Variants in POMT1 observed in about 807,000 individuals in gnomAD.
POMT1 encodes the protein protein O-mannosyltransferase 1, also known as protein O-mannosyl-transferase 1.
POMT1 carries 85 observed loss-of-function variants against 101.6 expected under a neutral mutation model. The ratio of observed to expected loss-of-function variants is 0.84; its 90% CI spans 0.70 to 1.00. The LOEUF (loss-of-function observed/expected upper bound fraction) is 1.00. Ranked by LOEUF, POMT1 falls within the 50% of genes least tolerant of loss-of-function variation. The pLI, the probability that POMT1 is intolerant of heterozygous loss-of-function variation, is 0.00. For missense variants in POMT1, 857 were observed against 930.4 expected (o/e 0.92, Z 1.03); for synonymous variants, 371 against 383.0 (o/e 0.97, Z 0.37).
In POMT1 at chr9:131,523,775, G is replaced by T. The variant is rs1318696194; in HGVS notation, c.*669G>T. On this transcript the variant is annotated 3_prime_UTR_variant, in exon 20 of 20. Transcript: ENST00000402686. ...CTCCATGCCTTTGTCTTTTTTAAAT[G>T]TAATTAAAAAAGGAACCAACTGGCG... 6.5e-6 allele frequency: 1 copy of T among 152,850 alleles called. No homozygotes were observed. The highest frequency in any genetic ancestry group is 1.5e-5 in the Non-Finnish European group (1 of 68,528). The allele number at this position is 152,850 out of a possible 1,614,324, so 9.5% of individuals were successfully genotyped here.
intron 4 of POMT1, chr9:131,506,851 G>C: frequency 3.4e-6 from 1 of 292,046 alleles, no homozygotes; most frequent in South Asian, 3.3e-5. Flanking sequence ...GGTGGATCAT[G>C]AGGTCAGGAG....
intron 2 of POMT1, 39 bp from the exon 3 acceptor site, chr9:131,506,075 C>A: frequency 6.2e-7 from 1 of 1,611,310 alleles, no homozygotes; most frequent in South Asian, 1.1e-5. Flanking sequence ...AGTTAAGATT[C>A]TAATTGAATA....
chr9:131,506,824 T>G, intron 4 of POMT1: 1 of 314,444 alleles, frequency 3.2e-6, no homozygotes, highest in Non-Finnish European at 6.1e-6. Context: ...ATCCTGGCAC[T>G]TTGGGAGGCT....
chr9:131,519,271 G>A lies in POMT1; in HGVS notation c.1487-118G>A, dbSNP rs1231401935. 9 of 1,042,878 alleles carry A rather than the reference G, an allele frequency of 8.6e-6. No homozygotes were observed. The highest frequency in any genetic ancestry group is 4.1e-5 in the South Asian group (3 of 73,518). 64.6% of individuals were successfully genotyped at this position (1,042,878 alleles called of 1,614,324 possible). A position where few individuals can be genotyped will look rare whatever the true frequency, so the allele number is the denominator to read the frequency against. On this transcript the variant is annotated intron_variant, in intron 15 of 19. Transcript: ENST00000402686. This position sits in a 1 kb window ranked among gnomAD's most constrained non-coding sequence, Gnocchi z 4.3. ...AAAGCTAAGTGGAATGATGCGGTTCGATAAGGGGTCTTTGTTAGAAAGGCA... is the reference window on the plus strand; with the variant it reads ...AAAGCTAAGTGGAATGATGCGGTTCAATAAGGGGTCTTTGTTAGAAAGGCA...
In POMT1 at chr9:131,519,548, C is replaced by T; in HGVS notation, c.1584+62C>T. The T allele has an allele frequency of 6.7e-7, 1 of 1,489,140 alleles. No homozygotes were observed. The highest frequency in any genetic ancestry group is 1.2e-5 in the South Asian group (1 of 82,776). The allele number at this position is 1,489,140 out of a possible 1,614,324, so 92.2% of individuals were successfully genotyped here. ...GAGCATTGACTCCTCAGCAGGGAGG[C>T]CTGGGGGCTGCACAGGACTCAAACC... On this transcript the variant is annotated intron_variant, in intron 16 of 19. Coordinates refer to ENST00000402686, the MANE Select transcript of POMT1 (RefSeq NM_001077365.2). This position sits in a 1 kb window ranked among gnomAD's most constrained non-coding sequence, Gnocchi z 4.3.
chr9:131,521,502 C>CGAA, intron 18 of POMT1, 30 bp downstream of exon 18: 1 of 1,609,234 alleles, frequency 6.2e-7, no homozygotes, highest in Non-Finnish European at 8.5e-7. Flanking sequence ...GGCTTTCTTT[C>CGAA]TTTTTAATAT....
At chr9:131,506,684 C>A in intron 4 of POMT1, 1 of 566,022 alleles carries the variant, frequency 1.8e-6, no homozygotes, top group South Asian at 2.0e-5. Context: ...ATTATTTCAG[C>A]CCTTGTCGTT....
At chr9:131,506,731 G>C in intron 4 of POMT1, 1 of 458,276 alleles carries the variant, frequency 2.2e-6, no homozygotes, top group African/African-American at 2.0e-5. Flanking sequence ...TGTGATGATC[G>C]GTTGTACATG....
chr9:131,509,740 C>T lies in POMT1; in HGVS notation c.540-3C>T, dbSNP rs1369759280. 1 of 1,614,116 alleles carries T rather than the reference C, an allele frequency of 6.2e-7. No individual in the cohort carries two copies. Among genetic ancestry groups the T allele is most frequent in the Admixed American group, 1.7e-5 (1 of 59,992 alleles). ...GTCTCCATCTGCTTTGTTTTTATTC[C>T]AGCCCTTTTTCTCTGAGCTGGTGGT... On this transcript the variant is annotated splice_region_variant and splice_polypyrimidine_tract_variant and intron_variant, in intron 6 of 19. Coordinates refer to ENST00000402686, the MANE Select transcript of POMT1 (RefSeq NM_001077365.2).
intron 14 of POMT1, 92 bp downstream of exon 14, chr9:131,518,629 G>A (rs1384218469): frequency 1.1e-5 from 16 of 1,422,138 alleles, no homozygotes; most frequent in East Asian, 6.8e-5. Context: ...CTCTGCAGGC[G>A]GAACGCTTCA....
intron 9 of POMT1, chr9:131,510,978 G>T (rs1946994401): frequency 7.2e-6 from 2 of 279,510 alleles, no homozygotes; most frequent in South Asian, 8.5e-5. Context: ...CCGACGGCCA[G>T]TGCTGTAGTG....
chr9:131,518,153 C>A, intron 13 of POMT1: 1 of 456,110 alleles, frequency 2.2e-6, no homozygotes, highest in Admixed American at 3.3e-5. Context: ...TATGAATAGG[C>A]TTTGCAGAGA....
Position 131,522,152 on chromosome 9 carries a change from A to G in POMT1, c.1931A>G (p.Tyr644Cys), listed in dbSNP as rs1950061086. 4 of 1,613,848 alleles carry G rather than the reference A, an allele frequency of 2.5e-6. No homozygotes were observed. The highest frequency in any genetic ancestry group is 1.3e-5 in the African/African-American group (1 of 74,840). ...LMEKTLFLYHYLPALTFQILL... is the reference protein window; with the variant it reads ...LMEKTLFLYHCLPALTFQILL... Reference sequence around the variant, plus strand: ...GAGAAGACACTCTTCCTCTACCACTACCTGCCCGCACTCACCTTCCAAATC... The same window carrying G: ...GAGAAGACACTCTTCCTCTACCACTGCCTGCCCGCACTCACCTTCCAAATC... The change falls in exon 19 of 20, where the codon TAC becomes TGC. Residue 644 changes from tyrosine (Y) to cysteine (C), a missense_variant. By Grantham distance (194) the Tyr-to-Cys change is radical (BLOSUM62 -2). Transcript: ENST00000402686. This position sits in a 1 kb window ranked among gnomAD's most constrained non-coding sequence, Gnocchi z 5.5.
intron 5 of POMT1, 141 bp downstream of exon 5, chr9:131,507,655 C>A: frequency 2.5e-6 from 3 of 1,206,686 alleles, no homozygotes; most frequent in Non-Finnish European, 3.5e-6. Context: ...GCAAGTCACC[C>A]GCTCCCAGGC....
chr9:131,512,133 G>A lies in POMT1; in HGVS notation c.1079G>A (p.Arg360Lys). ...VNNWWIVKDP[R>K]RHQLVVSSPP... ...AACTGGTGGATTGTAAAGGATCCCAGGAGGTGAGTGCAGGTCCTGTGACTC... is the reference window on the plus strand; with the variant it reads ...AACTGGTGGATTGTAAAGGATCCCAAGAGGTGAGTGCAGGTCCTGTGACTC... The change falls in exon 11 of 20, where the codon AGG (arginine) becomes AAG (lysine). Residue 360 changes from arginine to lysine, a missense_variant. Physicochemically the swap from Arg to Lys is conservative, Grantham distance 26. Coordinates refer to ENST00000402686, the MANE Select transcript of POMT1 (RefSeq NM_001077365.2). 6.2e-7 allele frequency: 1 copy of A among 1,613,960 alleles called. No homozygotes were observed. The highest frequency in any genetic ancestry group is 1.3e-5 in the African/African-American group (1 of 75,034).
intron 5 of POMT1, among the ~76,000 whole-genome samples, chr9:131,508,479 C>T (rs896720351): frequency 5.9e-5 from 9 of 152,076 alleles, no homozygotes; most frequent in Admixed American, 2.0e-4. Context: ...TGCAGTGAGC[C>T]GAGATTGTAC....
chr9:131,506,468 T>G lies in POMT1; in HGVS notation c.280+15T>G, dbSNP rs1187940251. 6.2e-7 allele frequency: 1 copy of G among 1,602,592 alleles called. No homozygotes were observed. Among genetic ancestry groups the G allele is most frequent in the Admixed American group, 1.7e-5 (1 of 60,012 alleles). Reference sequence around the variant, plus strand: ...AATTGGAGCAGGTAAAAGATAATTTTCATTTCCCTTTTAATGTGCGCAGGT... The same window carrying G: ...AATTGGAGCAGGTAAAAGATAATTTGCATTTCCCTTTTAATGTGCGCAGGT... On this transcript the variant is annotated intron_variant, in intron 4 of 19. Coordinates refer to ENST00000402686, the MANE Select transcript of POMT1 (RefSeq NM_001077365.2).
intron 9 of POMT1, chr9:131,510,683 G>A (rs1946926797): frequency 6.4e-6 from 3 of 471,276 alleles, no homozygotes; most frequent in Non-Finnish European, 1.2e-5. Flanking sequence ...TTTTTGTTTT[G>A]TTGGTAGAGA....
intron 4 of POMT1, 46 bp downstream of exon 4, chr9:131,506,499 T>C: frequency 6.5e-7 from 1 of 1,543,328 alleles, no homozygotes; most frequent in South Asian, 1.1e-5. Context: ...CAGGTTAGAA[T>C]GAAGAGATTG....
Sources: allele counts gnomAD v4.1 joint callset (sites outside exome capture counted in the v4.1 genomes callset), GRCh38; gene constraint gnomAD v4.1.1; non-coding constraint Gnocchi (gnomAD v3.1); transcripts MANE v1.5; gene names NCBI Gene and HGNC (gene_info 2026-07-23, HGNC 2026-07-21).